BBS5: variants seen among roughly 807,000 people sequenced by gnomAD.
BBS5 encodes the protein Bardet-Biedl syndrome 5.
Under a neutral mutation model 50.2 loss-of-function variants are expected in BBS5, and 39 were observed. That is an observed-to-expected ratio of 0.78 (90% CI 0.60 to 1.01). The LOEUF is 1.01. BBS5 is among the 50% of genes least tolerant of loss of function. The probability of loss-of-function intolerance (pLI) is 0.00; values close to 1 mark genes in which losing one functional copy is unlikely to be tolerated. For missense variants in BBS5, 356 were observed against 401.5 expected (o/e 0.89, Z 0.97); for synonymous variants, 134 against 133.1 (o/e 1.01, Z -0.05).
At chr2:169,493,161 A>G (rs1263391583) in intron 6 of BBS5, 152 bp downstream of exon 6, 1 of 841,428 alleles carries the variant, frequency 1.2e-6, no homozygotes, top group Non-Finnish European at 1.9e-6. Flanking sequence ...TAGGTTGATG[A>G]TAACATCCCT....
chr2:169,479,956 G>A (rs889593567), intron 1 of BBS5, among the ~76,000 whole-genome samples: 1 of 152,230 alleles, frequency 6.6e-6, no homozygotes, highest in Non-Finnish European at 1.5e-5. Flanking sequence ...GTGAGCTTGG[G>A]ATTTCAGTTT....
At chr2:169,480,025 A>G (rs1683361851) in intron 1 of BBS5, among the ~76,000 whole-genome samples, 1 of 152,198 alleles carries the variant, frequency 6.6e-6, no homozygotes, top group Admixed American at 6.5e-5. Context: ...TAGATGTGTA[A>G]TATCGACCCA....
chr2:169,495,100 C>G (rs1683670644), intron 7 of BBS5, among the ~76,000 whole-genome samples: 1 of 152,150 alleles, frequency 6.6e-6, no homozygotes, highest in Non-Finnish European at 1.5e-5. Flanking sequence ...AACCAGTATA[C>G]AGTTCCTGCC....
At position 169,487,134 on chromosome 2, in the gene BBS5, T is replaced by G; in HGVS notation, c.208T>G (p.Ser70Ala). 1 of 1,605,036 alleles carries G rather than the reference T, an allele frequency of 6.2e-7. No individual in the cohort carries two copies. Among genetic ancestry groups the G allele is most frequent in the Non-Finnish European group, 8.5e-7 (1 of 1,172,214 alleles). ...HSLALSRVNV[S>A]VGYNCILNIT... is the part of the protein sequence containing the mutation. ...TTTGGCATTATCAAGAGTCAATGTT[T>G]GTAAGTATCTTTGTTAGATAAGTCT... The change falls in exon 3 of 12, where the codon TCT (serine) becomes GCT (alanine). Residue 70 changes from serine (S) to alanine (A), a missense_variant and splice_region_variant. Ser to Ala is a moderately conservative substitution (Grantham distance 99). Transcript: ENST00000295240.
At chr2:169,486,966 G>A (rs1683496367) in intron 2 of BBS5, 103 bp from the exon 3 acceptor site, 1 of 797,022 alleles carries the variant, frequency 1.3e-6, no homozygotes, top group Non-Finnish European at 2.3e-6. Context: ...ATATCTGAGT[G>A]TTGCTTCTAA....
intron 3 of BBS5, 86 bp downstream of exon 3, chr2:169,487,220 G>T (rs1158628267): frequency 1.2e-6 from 1 of 846,526 alleles, no homozygotes; most frequent in African/African-American, 1.7e-5. Flanking sequence ...AAAGAAGTAT[G>T]TAGAAATATT....
intron 3 of BBS5, 62 bp from the exon 4 acceptor site, chr2:169,487,744 A>T: frequency 8.0e-7 from 1 of 1,245,068 alleles, no homozygotes; most frequent in Admixed American, 1.9e-5. Context: ...TTTTTTTTAG[A>T]AAAGTATTTT....
chr2:169,488,983 CTTTT>C (rs1475424648), intron 5 of BBS5, among the ~76,000 whole-genome samples: 1 of 151,926 alleles, frequency 6.6e-6, no homozygotes, highest in African/African-American at 2.4e-5. Flanking sequence ...GGTTTGTGGC[CTTTT>C]TTTATTTATT....
At chr2:169,488,199 C>T (rs1683518067) in intron 5 of BBS5, 85 bp downstream of exon 5, 3 of 1,365,042 alleles carry the variant, frequency 2.2e-6, no homozygotes, top group South Asian at 2.4e-5. Context: ...TTTTTGGCAC[C>T]AGGGACCAGT....
chr2:169,488,342 C>G (rs929684044), intron 5 of BBS5, among the ~76,000 whole-genome samples: 6 of 152,174 alleles, frequency 3.9e-5, no homozygotes, highest in Admixed American at 2.6e-4. Context: ...AGTGGGAGCC[C>G]TGAGCTTGTT....
At chr2:169,482,853 G>C (rs1683423847) in intron 2 of BBS5, 1 of 159,830 alleles carries the variant, frequency 6.3e-6, no homozygotes, top group Admixed American at 6.2e-5. Context: ...CCAAGGACCA[G>C]CACAGCTGGA....
At chr2:169,501,927 A>C (rs978683950) in intron 9 of BBS5, among the ~76,000 whole-genome samples, 1 of 152,150 alleles carries the variant, frequency 6.6e-6, no homozygotes, top group African/African-American at 2.4e-5. Flanking sequence ...GCTAGCTGTA[A>C]TAGCTCACTG....
intron 7 of BBS5, among the ~76,000 whole-genome samples, chr2:169,495,008 TC>T (rs1235942983): frequency 6.6e-6 from 1 of 152,218 alleles, no homozygotes; most frequent in Non-Finnish European, 1.5e-5. Flanking sequence ...CTTTAAAATT[TC>T]TGATAATTCA....
At position 169,490,187 on chromosome 2, in the gene BBS5, A is replaced by ATTTT. The variant is rs1189751993; in HGVS notation, c.386+2093_386+2096dup. Among the ~76,000 whole-genome samples, 153 of 79,394 alleles carry ATTTT rather than the reference A, an allele frequency of 1.9e-3. 3 individuals carry two copies. The highest frequency in any genetic ancestry group is 5.1e-3 in the African/African-American group (97 of 19,028). 52.1% of individuals were successfully genotyped at this position (79,394 alleles called of 152,430 possible). On this transcript the variant is annotated intron_variant, in intron 5 of 11. Transcript: ENST00000295240. ...ACTGGGCCCAGCCAATGAAATGTGCATTTTTTTTTTTTTTTTTTTTTTTGA... is the reference window on the plus strand; with the variant it reads ...ACTGGGCCCAGCCAATGAAATGTGCATTTTTTTTTTTTTTTTTTTTTTTTTTTGA...
Position 169,504,802 on chromosome 2 carries a change from G to A in BBS5, c.*220G>A, listed in dbSNP as rs147310933. On this transcript the variant is annotated 3_prime_UTR_variant, in exon 12 of 12. Coordinates refer to ENST00000295240, the MANE Select transcript of BBS5 (RefSeq NM_152384.3). ...GCGACACATGGCCTAGTAACCGTCC[G>A]GCCGCGGCGCTGGCTTAAGCCATGG... is the stretch of plus-strand genomic sequence containing the variant. 3,486 of 1,553,356 alleles carry A rather than the reference G, an allele frequency of 2.2e-3. 86 individuals carry two copies. The African/African-American group carries it at 0.043, about 19-fold the overall frequency.
rs1224940580 is a variant in BBS5, at chr2:169,504,986, G to C, written c.*404G>C. The C allele has an allele frequency of 2.5e-6, 4 of 1,612,474 alleles. No individual in the cohort carries two copies. The African/African-American group carries it at 5.3e-5, about 22-fold the overall frequency. Reference sequence around the variant, plus strand: ...GTGCTTTTTCAAGGGAGCTGATAAAGAACTTCTTCCCAAAATGGCCGAAGC... The same window carrying C: ...GTGCTTTTTCAAGGGAGCTGATAAACAACTTCTTCCCAAAATGGCCGAAGC... On this transcript the variant is annotated 3_prime_UTR_variant, in exon 12 of 12. Coordinates refer to ENST00000295240, the MANE Select transcript of BBS5 (RefSeq NM_152384.3).
intron 2 of BBS5, among the ~76,000 whole-genome samples, chr2:169,486,576 G>C (rs1468376570): frequency 1.3e-5 from 2 of 152,114 alleles, no homozygotes; most frequent in Admixed American, 1.3e-4. Flanking sequence ...AAAATAGTTT[G>C]CTCACAGCAA....
intron 9 of BBS5, among the ~76,000 whole-genome samples, chr2:169,500,499 G>A (rs142638786): frequency 6.6e-6 from 1 of 152,318 alleles, no homozygotes; most frequent in East Asian, 1.9e-4. Context: ...AGACTCCCTT[G>A]CTGTCTGTTC....
chr2:169,490,344 C>T (rs946545332), intron 5 of BBS5, among the ~76,000 whole-genome samples: 1 of 151,882 alleles, frequency 6.6e-6, no homozygotes, highest in African/African-American at 2.4e-5. Context: ...CAGGCGCCTG[C>T]CACCACGCCC....
Sources: gnomAD v4.1 joint callset for allele counts (sites outside exome capture counted in the v4.1 genomes callset) on GRCh38, gnomAD v4.1.1 for gene constraint, MANE v1.5 for transcripts, NCBI Gene and HGNC (gene_info 2026-07-23, HGNC 2026-07-21) for gene names.